The following THAP6 variants were observed in gnomAD, a reference collection of about 807,000 sequenced individuals.
The protein encoded by THAP6 is THAP domain-containing protein 6.
In THAP6, 13 loss-of-function variants were observed where a neutral mutation model predicts 20.0. The observed-to-expected ratio is 0.65, with a 90% CI of 0.42 to 1.03. The LOEUF is 1.03. Among genes scored for constraint, THAP6 ranks in the 50% least tolerant of loss-of-function variants. The probability of loss-of-function intolerance (pLI) is 0.00; values close to 1 mark genes in which losing one functional copy is unlikely to be tolerated. For synonymous variants in THAP6, 93 were observed against 92.2 expected (o/e 1.01, Z -0.05); for missense variants, 262 against 261.6 (o/e 1.00, Z -0.01).
chr4:75,542,471 A>C, exon 3 of THAP6: 1 of 702,470 alleles, frequency 1.4e-6, no homozygotes, highest in Non-Finnish European at 2.6e-6. Context: ...TAACCATCAT[A>C]GCTAACATTT....
At chr4:75,517,132 C>T (rs1218596204) in intron 3 of THAP6, 153 bp downstream of exon 3, 3 of 573,026 alleles carry the variant, frequency 5.2e-6, no homozygotes, top group Non-Finnish European at 8.9e-6. Flanking sequence ...AATTCTCTGC[C>T]TCAGCCTCCC....
chr4:75,535,841 G>A (rs1378243681), intron 2 of THAP6, among the ~76,000 whole-genome samples: 1 of 152,156 alleles, frequency 6.6e-6, no homozygotes, highest in Non-Finnish European at 1.5e-5. Flanking sequence ...AAACTATCCA[G>A]ACATCTAAAA....
downstream of THAP6, among the ~76,000 whole-genome samples, chr4:75,534,125 G>A (rs1377914229): frequency 1.3e-5 from 2 of 152,152 alleles, no homozygotes; most frequent in Admixed American, 6.5e-5. Context: ...ATTCTATGGT[G>A]TATATGTGCC....
At position 75,521,657 on chromosome 4, in the gene THAP6, A is replaced by G; in HGVS notation, c.289-79A>G. 6 of 1,390,314 alleles carry G rather than the reference A, an allele frequency of 4.3e-6. No individual in the cohort carries two copies. In the South Asian group the frequency reaches 9.7e-5, roughly 22 times the overall value. The allele number at this position is 1,390,314 out of a possible 1,614,324, so 86.1% of individuals were successfully genotyped here. A position where few individuals can be genotyped will look rare whatever the true frequency, so the allele number is the denominator to read the frequency against. ...AGAAATGTGGTATTAACTTCACTAT[A>G]CAAAGTTAAGAAGGAATAAAAATTT... On this transcript the variant is annotated intron_variant, in intron 3 of 4. Transcript: ENST00000311638.
intron 2 of THAP6, among the ~76,000 whole-genome samples, 177 bp downstream of exon 2, chr4:75,515,709 T>C (rs549756835): frequency 2.0e-5 from 3 of 152,354 alleles, no homozygotes; most frequent in African/African-American, 7.2e-5. Flanking sequence ...AGTTTAAAAG[T>C]TTTAAGATAT....
chr4:75,544,607 C>A (rs1727084558), intron 3 of THAP6: 1 of 152,150 alleles, frequency 6.6e-6, no homozygotes, highest in Non-Finnish European at 1.5e-5. Context: ...ACCCCCCAAC[C>A]TCGGCCTCCC....
chr4:75,531,905 C>T (rs534075631), downstream of THAP6, among the ~76,000 whole-genome samples: 11 of 152,086 alleles, frequency 7.2e-5, no homozygotes, highest in Non-Finnish European at 1.3e-4. Flanking sequence ...CACTGGGTCC[C>T]TCCCACAACA....
intron 3 of THAP6, among the ~76,000 whole-genome samples, chr4:75,520,880 C>A (rs1344939373): frequency 1.3e-5 from 2 of 152,160 alleles, no homozygotes; most frequent in African/African-American, 4.8e-5. Flanking sequence ...TTTAATGTAT[C>A]TATGAACACT....
Position 75,515,478 on chromosome 4 carries a change from G to A in THAP6, c.26G>A (p.Gly9Glu). Reference protein sequence around the residue: MVKCCSAIGCASRCLPNSK... With the variant: MVKCCSAIECASRCLPNSK... ...ATGGTGAAATGCTGCTCCGCCATTGGATGTGCTTCTCGCTGCTTGCCAAAT... is the reference window on the plus strand; with the variant it reads ...ATGGTGAAATGCTGCTCCGCCATTGAATGTGCTTCTCGCTGCTTGCCAAAT... Residue 9 changes from glycine to glutamate, a missense_variant, in exon 2 of 5, where the codon GGA becomes GAA. By Grantham distance (98) the Gly-to-Glu change is moderately conservative (BLOSUM62 -2). Transcript: ENST00000311638. 1 of 1,614,006 alleles carries A rather than the reference G, an allele frequency of 6.2e-7. No homozygotes were observed. Among genetic ancestry groups the A allele is most frequent in the Non-Finnish European group, 8.5e-7 (1 of 1,179,876 alleles).
rs1353790354 is a variant in THAP6 at position 75,542,676 on chromosome 4, G to A, written c.243+190G>A. Reference sequence around the variant, plus strand: ...TCTTCATATCATTATATGAAGTCACGTTGTTGTTTGTTCTGATCTACAATG... The same window carrying A: ...TCTTCATATCATTATATGAAGTCACATTGTTGTTTGTTCTGATCTACAATG... On this transcript the variant is annotated intron_variant, in intron 3 of 4. Transcript: ENST00000502620. 13 of 486,858 alleles carry A rather than the reference G, an allele frequency of 2.7e-5. 1 individual carries two copies. The highest frequency in any genetic ancestry group is 6.1e-5 in the East Asian group (2 of 32,820). 30.2% of individuals were successfully genotyped at this position (486,858 alleles called of 1,614,324 possible).
intron 4 of THAP6, among the ~76,000 whole-genome samples, chr4:75,524,842 A>G (rs1726266609): frequency 6.6e-6 from 1 of 151,794 alleles, no homozygotes; most frequent in African/African-American, 2.4e-5. Context: ...TGCAGCGTCA[A>G]CCTCCCAGGC....
At chr4:75,521,590 C>G in intron 3 of THAP6, 146 bp from the exon 4 acceptor site, 1 of 812,612 alleles carries the variant, frequency 1.2e-6, no homozygotes. Flanking sequence ...TTAAAATTAT[C>G]TGGGTGGAAT....
In THAP6 at chr4:75,516,949, TTCTA is replaced by T. The variant is rs764046105; in HGVS notation, c.262_265del (p.Ile88LeufsTer56). ...TTAAACTGAAACCTGGAGTCATACC[TTCTA>T]TCTTTGATTCTCCATATCACCTACA... On this transcript the variant is annotated frameshift_variant, in exon 3 of 5. Coordinates refer to ENST00000311638, the MANE Select transcript of THAP6 (RefSeq NM_144721.6). LOFTEE classifies it high-confidence loss of function. 1 of 1,613,964 alleles carries T rather than the reference TTCTA, an allele frequency of 6.2e-7. No homozygotes were observed. Among genetic ancestry groups the T allele is most frequent in the South Asian group, 1.1e-5 (1 of 91,080 alleles).
chr4:75,527,265 A>G lies in THAP6; in HGVS notation c.*51A>G. 1 of 1,567,878 alleles carries G rather than the reference A, an allele frequency of 6.4e-7. No individual in the cohort carries two copies. The highest frequency in any genetic ancestry group is 8.6e-7 in the Non-Finnish European group (1 of 1,157,536). On this transcript the variant is annotated 3_prime_UTR_variant, in exon 5 of 5. Coordinates refer to ENST00000311638, the MANE Select transcript of THAP6 (RefSeq NM_144721.6). Reference sequence around the variant, plus strand: ...AAAATTGTCATTGGTACAAATTTTTATAAAATCTCATTTACCATCACTAAA... The same window carrying G: ...AAAATTGTCATTGGTACAAATTTTTGTAAAATCTCATTTACCATCACTAAA...
At chr4:75,521,131 A>AT (rs36043887) in intron 3 of THAP6, among the ~76,000 whole-genome samples, 59,004 of 147,212 alleles carry the variant, frequency 0.4, 11,767 homozygotes, top group East Asian at 0.49. Context: ...GCATGGGTTT[A>AT]TTTTTTTTTT....
chr4:75,515,392 C>G (rs1725502886), intron 1 of THAP6, 41 bp from the exon 2 acceptor site: 2 of 1,561,954 alleles, frequency 1.3e-6, no homozygotes, highest in Admixed American at 1.7e-5. Context: ...TCCCCTTCAG[C>G]TTTCCGGTTA....
chr4:75,537,266 GA>G (rs1038525585), intron 2 of THAP6, among the ~76,000 whole-genome samples: 1 of 152,106 alleles, frequency 6.6e-6, no homozygotes, highest in African/African-American at 2.4e-5. Flanking sequence ...TAGAACATGT[GA>G]ATATCACTAA....
chr4:75,528,753 A>G lies in THAP6; in HGVS notation c.*1539A>G. 1.4e-6 allele frequency: 1 copy of G among 691,430 alleles called. No homozygotes were observed. The highest frequency in any genetic ancestry group is 1.7e-6 in the Non-Finnish European group (1 of 600,592). 42.8% of individuals were successfully genotyped at this position (691,430 alleles called of 1,614,324 possible). On this transcript the variant is annotated 3_prime_UTR_variant, in exon 5 of 5. Coordinates refer to ENST00000311638, the MANE Select transcript of THAP6 (RefSeq NM_144721.6). ...TCTGAAAAAAAAGTAGTAAAAAGGT[A>G]GTTAAAAAAAAAAAAGGCCGGGTGG...
At position 75,527,039 on chromosome 4, in the gene THAP6, C is replaced by A. The variant is rs749682280; in HGVS notation, c.494C>A (p.Thr165Lys). 6.2e-7 allele frequency: 1 copy of A among 1,613,908 alleles called. No homozygotes were observed. The highest frequency in any genetic ancestry group is 1.7e-5 in the Admixed American group (1 of 59,984). ...LDHVIGELED[T>K]KESLRNVLDR... is the part of the protein sequence containing the mutation. The stretch of plus-strand genomic sequence containing the variant: ...CATGTGATCGGCGAGCTAGAGGATA[C>A]AAAGGAAAGTCTACGGAATGTTTTA... Residue 165 changes from threonine (T) to lysine (K), a missense_variant, in exon 5 of 5, where the codon ACA becomes AAA. Coordinates refer to ENST00000311638, the MANE Select transcript of THAP6 (RefSeq NM_144721.6).
Sources: allele counts gnomAD v4.1 joint callset (sites outside exome capture counted in the v4.1 genomes callset), GRCh38; gene constraint gnomAD v4.1.1; transcripts MANE v1.5; gene names NCBI Gene and HGNC (gene_info 2026-07-23, HGNC 2026-07-21).